Variants in SH3GL2 observed in about 807,000 individuals in gnomAD.
SH3GL2 encodes the protein SH3 domain containing GRB2 like 2, endophilin A1.
A neutral mutation model predicts 46.0 loss-of-function variants in SH3GL2; 24 were observed. That is an observed-to-expected ratio of 0.52 (90% CI 0.38 to 0.73). The LOEUF (loss-of-function observed/expected upper bound fraction) is 0.73, where lower values mean the gene tolerates loss of function less well. Ranked by LOEUF, SH3GL2 falls within the 30% of genes least tolerant of loss-of-function variation. The pLI is 0.00. For synonymous variants in SH3GL2, 196 were observed against 147.1 expected (o/e 1.33, Z -2.40); for missense variants, 413 against 424.2 (o/e 0.97, Z 0.23).
intron 3 of SH3GL2, among the ~76,000 whole-genome samples, chr9:17,773,212 T>C (rs1455720563): frequency 6.6e-6 from 1 of 152,166 alleles, no homozygotes; most frequent in East Asian, 1.9e-4. Flanking sequence ...TTAGGAGTTC[T>C]GTACATATCA....
chr9:17,758,561 CAAA>C (rs57019804), intron 2 of SH3GL2, among the ~76,000 whole-genome samples: 258 of 29,096 alleles, frequency 8.9e-3, no homozygotes, highest in East Asian at 0.029. Context: ...GACCCTGTCT[CAAA>C]AAAAAAAAAA....
rs553470083 is a variant in SH3GL2, at chr9:17,674,995, C to T, written c.46-72071C>T. Among the ~76,000 whole-genome samples the T allele has an allele frequency of 7.2e-5, 11 of 152,230 alleles. No homozygotes were observed. The South Asian group carries it at 2.3e-3, about 32-fold the overall frequency. On this transcript the variant is annotated intron_variant, in intron 1 of 8. Coordinates refer to ENST00000380607, the MANE Select transcript of SH3GL2 (RefSeq NM_003026.5). ...AGGAGGAGCCACCAGGTTACATTGC[C>T]AAGGGGTGTGCATACAGGGATGGGA...
At chr9:17,671,900 A>G (rs1820484052) in intron 1 of SH3GL2, among the ~76,000 whole-genome samples, 1 of 152,190 alleles carries the variant, frequency 6.6e-6, no homozygotes, top group Non-Finnish European at 1.5e-5. Flanking sequence ...TTAAGTATTT[A>G]ATCTTGTCTC....
At chr9:17,671,914 A>T (rs946817897) in intron 1 of SH3GL2, among the ~76,000 whole-genome samples, 5 of 152,340 alleles carry the variant, frequency 3.3e-5, no homozygotes, top group Non-Finnish European at 5.9e-5. Flanking sequence ...TTGTCTCATA[A>T]TAATTGTGTT....
chr9:17,702,232 T>C (rs778504339), intron 1 of SH3GL2, among the ~76,000 whole-genome samples: 4 of 152,036 alleles, frequency 2.6e-5, no homozygotes, highest in Non-Finnish European at 4.4e-5. Flanking sequence ...ATAATTCACA[T>C]TGGCAGGACC....
intron 1 of SH3GL2, among the ~76,000 whole-genome samples, chr9:17,678,966 C>A (rs572871989): frequency 1.3e-5 from 2 of 152,076 alleles, no homozygotes; most frequent in South Asian, 2.1e-4. Context: ...ATTTCTGAGG[C>A]CTCTGTTCTG....
chr9:17,751,704 G>T (rs1822852463), intron 2 of SH3GL2, among the ~76,000 whole-genome samples: 1 of 152,072 alleles, frequency 6.6e-6, no homozygotes, highest in South Asian at 2.1e-4. Flanking sequence ...CTCTTACTTG[G>T]ATTCCAGTGA....
chr9:17,642,119 A>T (rs1288956847), intron 1 of SH3GL2, among the ~76,000 whole-genome samples: 3 of 151,642 alleles, frequency 2.0e-5, no homozygotes, highest in Admixed American at 1.3e-4. Flanking sequence ...CCTGATGATG[A>T]GCTTTTTTCA....
intron 2 of SH3GL2, among the ~76,000 whole-genome samples, chr9:17,757,277 A>C (rs1823023248): frequency 6.6e-6 from 1 of 152,372 alleles, no homozygotes. Context: ...AAACACCAAA[A>C]GCAATGGCAA....
At chr9:17,610,232 G>C (rs188141129) in intron 1 of SH3GL2, among the ~76,000 whole-genome samples, 1 of 152,176 alleles carries the variant, frequency 6.6e-6, no homozygotes, top group Non-Finnish European at 1.5e-5. Context: ...GTAAGTGATA[G>C]CTTCCTTTCT....
At chr9:17,704,255 A>G (rs1269760748) in intron 1 of SH3GL2, among the ~76,000 whole-genome samples, 1 of 152,094 alleles carries the variant, frequency 6.6e-6, no homozygotes, top group African/African-American at 2.4e-5. Context: ...GATATCTACA[A>G]TGAGAATTAC....
chr9:17,757,380 G>A (rs1328528633), intron 2 of SH3GL2, among the ~76,000 whole-genome samples: 2 of 152,174 alleles, frequency 1.3e-5, no homozygotes, highest in Non-Finnish European at 2.9e-5. Flanking sequence ...GCAACCTACA[G>A]AATGGGAGAA....
chr9:17,696,817 GATTTTTCATAGCCC>G (rs1821214333), intron 1 of SH3GL2, among the ~76,000 whole-genome samples: 1 of 151,860 alleles, frequency 6.6e-6, no homozygotes, highest in Non-Finnish European at 1.5e-5. Context: ...TCCTTTTTTC[GATTTTTCATAGCCC>G]ATTTTTTGTG....
At chr9:17,775,626 T>C (rs1291201151) in intron 3 of SH3GL2, among the ~76,000 whole-genome samples, 1 of 152,254 alleles carries the variant, frequency 6.6e-6, no homozygotes, top group East Asian at 1.9e-4. Context: ...GCATTTGTCC[T>C]GCTCAAGATC....
chr9:17,624,031 C>A lies in SH3GL2; in HGVS notation c.45+44744C>A, dbSNP rs949228897. On this transcript the variant is annotated intron_variant, in intron 1 of 8. Coordinates refer to ENST00000380607, the MANE Select transcript of SH3GL2 (RefSeq NM_003026.5). ...TTCATTTTATTTCATTCGTTCGTTT[C>A]TTTTAATCTGAAACATTTGCACAGC... Among the ~76,000 whole-genome samples, 5 of 152,138 alleles carry A rather than the reference C, an allele frequency of 3.3e-5. No homozygotes were observed. In the South Asian group the frequency reaches 6.2e-4, roughly 19 times the overall value.
At chr9:17,710,843 A>G (rs539046374) in intron 1 of SH3GL2, among the ~76,000 whole-genome samples, 58 of 152,082 alleles carry the variant, frequency 3.8e-4, no homozygotes, top group African/African-American at 1.3e-3. Flanking sequence ...TGCAAGGGGT[A>G]TGTTCCAAAA....
intron 7 of SH3GL2, among the ~76,000 whole-genome samples, chr9:17,792,152 A>C (rs964734744): frequency 6.6e-6 from 1 of 152,198 alleles, no homozygotes; most frequent in Non-Finnish European, 1.5e-5. Flanking sequence ...AGAAGACACC[A>C]ATCATACGAT....
In SH3GL2 at chr9:17,634,471, C is replaced by T. The variant is rs187504698; in HGVS notation, c.45+55184C>T. On this transcript the variant is annotated intron_variant, in intron 1 of 8. Transcript: ENST00000380607. The stretch of plus-strand genomic sequence containing the variant: ...AAGATGTTTGTAAGTGGGGTGTTTC[C>T]AGACCCTCTGAAATATATGCCTCTT... Among the ~76,000 whole-genome samples, 142 of 152,228 alleles carry T rather than the reference C, an allele frequency of 9.3e-4. 1 individual carries two copies. The highest frequency in any genetic ancestry group is 3.2e-3 in the African/African-American group (135 of 41,542).
At chr9:17,710,132 T>G (rs1280970311) in intron 1 of SH3GL2, among the ~76,000 whole-genome samples, 1 of 151,970 alleles carries the variant, frequency 6.6e-6, no homozygotes, top group Non-Finnish European at 1.5e-5. Flanking sequence ...AATCTCATCT[T>G]GAATTGTAGT....
Sources: gnomAD v4.1 joint callset for allele counts (sites outside exome capture counted in the v4.1 genomes callset) on GRCh38, gnomAD v4.1.1 for gene constraint, MANE v1.5 for transcripts, NCBI Gene and HGNC (gene_info 2026-07-23, HGNC 2026-07-21) for gene names.